Variants in ATRNL1 observed in about 807,000 individuals in gnomAD.
ATRNL1 encodes attractin like 1.
ATRNL1 carries 95 observed loss-of-function variants against 182.7 expected under a neutral mutation model. That is an observed-to-expected ratio of 0.52 (90% confidence interval 0.44 to 0.62). The LOEUF (loss-of-function observed/expected upper bound fraction) is 0.62. Among genes scored for constraint, ATRNL1 ranks in the 20% least tolerant of loss-of-function variants. The probability of loss-of-function intolerance (pLI) is 0.00; values close to 1 mark genes in which losing one functional copy is unlikely to be tolerated. For synonymous variants in ATRNL1, 576 were observed against 568.3 expected (o/e 1.01, Z -0.19); for missense variants, 1,471 against 1,679.5 (o/e 0.88, Z 2.17).
chr10:115,661,558 T>G (rs2133905025), intron 26 of ATRNL1, among the ~76,000 whole-genome samples: 1 of 152,282 alleles, frequency 6.6e-6, no homozygotes, highest in South Asian at 2.1e-4. Context: ...TGCAGAAAGC[T>G]TTTGCTTTTG....
At chr10:115,602,584 C>G (rs11197329) in intron 26 of ATRNL1, among the ~76,000 whole-genome samples, 74,979 of 151,898 alleles carry the variant, frequency 0.49, 19,431 homozygotes, top group African/African-American at 0.6. Context: ...GCAATCATGG[C>G]CGGGCGCAGT....
chr10:115,215,824 G>T lies in ATRNL1; in HGVS notation c.1476G>T (p.Gly492=). Residue 492 remains glycine, a synonymous_variant, in exon 9 of 29, where the codon GGG becomes GGT. Transcript: ENST00000355044. ...YVHGGYKALP[G]NKYGLVDDLY... is the part of the protein sequence containing the mutation. Reference sequence around the variant, plus strand: ...ATGGAGGGTATAAAGCATTGCCAGGGAACAAATATGGATTGGTTGATGATC... The same window carrying T: ...ATGGAGGGTATAAAGCATTGCCAGGTAACAAATATGGATTGGTTGATGATC... The T allele has an allele frequency of 6.2e-7, 1 of 1,600,410 alleles. No individual in the cohort carries two copies.
chr10:115,883,876 A>G (rs1265134733), intron 28 of ATRNL1, among the ~76,000 whole-genome samples: 11 of 152,234 alleles, frequency 7.2e-5, no homozygotes, highest in African/African-American at 2.7e-4. Flanking sequence ...AGTCTTTTCA[A>G]ACTGTCCATT....
intron 27 of ATRNL1, among the ~76,000 whole-genome samples, chr10:115,737,214 T>G (rs2134086350): frequency 6.6e-6 from 1 of 151,570 alleles, no homozygotes; most frequent in Admixed American, 6.6e-5. Flanking sequence ...TTCCTTAAGC[T>G]TAGGAGGTCA....
intron 24 of ATRNL1, among the ~76,000 whole-genome samples, chr10:115,491,280 G>A (rs1041511400): frequency 1.3e-5 from 2 of 152,170 alleles, no homozygotes; most frequent in Admixed American, 6.5e-5. Flanking sequence ...TCTGCTGGGA[G>A]ATCTGCTACT....
chr10:115,846,236 C>G (rs1950924702), intron 27 of ATRNL1, among the ~76,000 whole-genome samples: 1 of 151,954 alleles, frequency 6.6e-6, no homozygotes, highest in African/African-American at 2.4e-5. Flanking sequence ...ATATTGAATG[C>G]TCCCAAAATG....
chr10:115,407,023 G>A (rs1355429438), intron 20 of ATRNL1, among the ~76,000 whole-genome samples: 2 of 152,062 alleles, frequency 1.3e-5, no homozygotes, highest in Non-Finnish European at 2.9e-5. Context: ...CTTTAAAAGA[G>A]ATAAACTATT....
chr10:115,531,563 T>G (rs1382655259), intron 25 of ATRNL1, among the ~76,000 whole-genome samples: 1 of 150,956 alleles, frequency 6.6e-6, no homozygotes, highest in East Asian at 1.9e-4. Context: ...GAAAATTTTC[T>G]CCCATTTTGT....
At chr10:115,256,688 T>C (rs547191504) in intron 10 of ATRNL1, among the ~76,000 whole-genome samples, 73 of 152,320 alleles carry the variant, frequency 4.8e-4, no homozygotes, top group African/African-American at 1.7e-3. Context: ...GCTTTTTGAA[T>C]GTGTTTGCTC....
chr10:115,223,438 G>A (rs1162339081), intron 9 of ATRNL1, among the ~76,000 whole-genome samples: 1 of 152,026 alleles, frequency 6.6e-6, no homozygotes, highest in East Asian at 1.9e-4. Context: ...GAAAGTAAAA[G>A]GAAGGCATAA....
chr10:115,875,531 G>C (rs951528492), intron 28 of ATRNL1, among the ~76,000 whole-genome samples: 2 of 152,162 alleles, frequency 1.3e-5, no homozygotes, highest in Non-Finnish European at 2.9e-5. Context: ...CAGTCTCTGA[G>C]ACAAAATAGA....
chr10:115,861,196 A>G (rs1185336566), intron 28 of ATRNL1, among the ~76,000 whole-genome samples: 1 of 152,070 alleles, frequency 6.6e-6, no homozygotes, highest in Non-Finnish European at 1.5e-5. Flanking sequence ...CACCTCTTTC[A>G]TGAAACTAGT....
intron 24 of ATRNL1, among the ~76,000 whole-genome samples, chr10:115,497,859 T>C (rs112564248): frequency 0.027 from 4,073 of 152,172 alleles, 212 homozygotes; most frequent in African/African-American, 0.094. Flanking sequence ...GGTTTCGCCA[T>C]GTTGTCCAGG....
At chr10:115,377,398 G>A (rs1857736007) in intron 19 of ATRNL1, among the ~76,000 whole-genome samples, 1 of 152,140 alleles carries the variant, frequency 6.6e-6, no homozygotes, top group African/African-American at 2.4e-5. Flanking sequence ...ATGTGGAACT[G>A]TAAGTCCATT....
At chr10:115,502,290 A>G (rs1849882229) in intron 24 of ATRNL1, among the ~76,000 whole-genome samples, 3 of 152,080 alleles carry the variant, frequency 2.0e-5, no homozygotes, top group Non-Finnish European at 2.9e-5. Context: ...TTTGGACTCT[A>G]GGGACCCTAA....
intron 1 of ATRNL1, among the ~76,000 whole-genome samples, chr10:115,104,141 C>CA (rs1843898229): frequency 6.6e-6 from 1 of 152,176 alleles, no homozygotes; most frequent in South Asian, 2.1e-4. Flanking sequence ...AGTAGTTACA[C>CA]TAATTTACCT....
At chr10:115,798,117 C>T (rs549178359) in intron 27 of ATRNL1, among the ~76,000 whole-genome samples, 20 of 152,154 alleles carry the variant, frequency 1.3e-4, no homozygotes, top group African/African-American at 4.1e-4. Context: ...CGGGGTTTCA[C>T]CGTGTTAGCC....
intron 1 of ATRNL1, among the ~76,000 whole-genome samples, 197 bp downstream of exon 1, chr10:115,094,240 A>G (rs1457231029): frequency 1.7e-4 from 26 of 151,306 alleles, no homozygotes; most frequent in African/African-American, 6.3e-4. Flanking sequence ...GCCCCGGGAG[A>G]GCTCGGGCCC....
At chr10:115,397,417 T>C (rs534351095) in intron 20 of ATRNL1, among the ~76,000 whole-genome samples, 1 of 152,106 alleles carries the variant, frequency 6.6e-6, no homozygotes, top group East Asian at 1.9e-4. Flanking sequence ...TAAACTGAAA[T>C]CGGTTCTCTT....
Sources: allele counts gnomAD v4.1 joint callset (sites outside exome capture counted in the v4.1 genomes callset), GRCh38; gene constraint gnomAD v4.1.1; transcripts MANE v1.5; gene names NCBI Gene and HGNC (gene_info 2026-07-23, HGNC 2026-07-21).